ITIH5: variants seen among roughly 807,000 people sequenced by gnomAD.
ITIH5 encodes the protein inter-alpha-trypsin inhibitor heavy chain 5, also known as inter-alpha-trypsin inhibitor heavy chain H5.
ITIH5 carries 65 observed loss-of-function variants against 77.5 expected under a neutral mutation model. The observed-to-expected ratio is 0.84, with a 90% CI of 0.69 to 1.03. The LOEUF is 1.03. Ranked by LOEUF, ITIH5 falls within the 50% of genes least tolerant of loss-of-function variation. The probability of loss-of-function intolerance (pLI) is 0.00; values close to 1 mark genes in which losing one functional copy is unlikely to be tolerated. For synonymous variants in ITIH5, 525 were observed against 494.3 expected (o/e 1.06, Z -0.82); for missense variants, 1,208 against 1,213.1 (o/e 1.00, Z 0.06).
At chr10:7,634,087 T>C (rs1380415939) in intron 5 of ITIH5, among the ~76,000 whole-genome samples, 2 of 34,330 alleles carry the variant, frequency 5.8e-5, no homozygotes, top group South Asian at 2.3e-3. Flanking sequence ...AGACTCCGTC[T>C]CAAAAAAAAA....
intron 13 of ITIH5, among the ~76,000 whole-genome samples, chr10:7,563,794 C>T (rs1027779644): frequency 7.2e-5 from 11 of 152,240 alleles, no homozygotes; most frequent in African/African-American, 2.7e-4. Flanking sequence ...GGGTGGAAAG[C>T]AGTCAGCTCA....
intron 9 of ITIH5, among the ~76,000 whole-genome samples, chr10:7,579,248 G>A (rs540618292): frequency 6.3e-4 from 96 of 152,338 alleles, no homozygotes; most frequent in African/African-American, 1.9e-3. Context: ...GCTTAGGGCC[G>A]GGTGTGGTGG....
intron 5 of ITIH5, among the ~76,000 whole-genome samples, chr10:7,630,198 A>C (rs1477631365): frequency 6.6e-6 from 1 of 152,208 alleles, no homozygotes; most frequent in Admixed American, 6.5e-5. Context: ...ACACACCATA[A>C]GATTTACTCA....
At chr10:7,636,418 A>G (rs1244441385) in intron 5 of ITIH5, among the ~76,000 whole-genome samples, 1 of 152,198 alleles carries the variant, frequency 6.6e-6, no homozygotes, top group African/African-American at 2.4e-5. Context: ...TGGCCCCACA[A>G]TCTCATACCC....
At chr10:7,624,865 G>GTATATACACA (rs1588409019) in intron 5 of ITIH5, among the ~76,000 whole-genome samples, 3 of 20,556 alleles carry the variant, frequency 1.5e-4, no homozygotes, top group Non-Finnish European at 1.9e-4. Flanking sequence ...GTGTATATAT[G>GTATATACACA]TATATATGTA....
At chr10:7,574,444 A>C (rs921830758) in intron 10 of ITIH5, among the ~76,000 whole-genome samples, 4 of 152,162 alleles carry the variant, frequency 2.6e-5, no homozygotes, top group African/African-American at 9.7e-5. Context: ...TTAAAATTTA[A>C]ATTTAAAAAC....
At chr10:7,637,515 G>A (rs775959816) in intron 4 of ITIH5, 37 bp from the exon 5 acceptor site, 6 of 1,601,232 alleles carry the variant, frequency 3.7e-6, no homozygotes, top group Non-Finnish European at 5.1e-6. Flanking sequence ...AGGGAGGTTC[G>A]GAAGAGGATA....
intron 8 of ITIH5, among the ~76,000 whole-genome samples, chr10:7,580,443 T>C (rs185823429): frequency 1.0e-3 from 157 of 152,282 alleles, no homozygotes; most frequent in African/African-American, 3.7e-3. Flanking sequence ...ATAGCTGCAG[T>C]TCACGCTCAA....
intron 2 of ITIH5, among the ~76,000 whole-genome samples, chr10:7,650,317 G>T (rs1200397662): frequency 1.3e-5 from 2 of 152,188 alleles, no homozygotes; most frequent in African/African-American, 4.8e-5. Flanking sequence ...TATGGAGGTG[G>T]GAGAGAACTT....
In ITIH5 at chr10:7,585,928, A is replaced by G. The variant is rs781335246; in HGVS notation, c.1081T>C (p.Tyr361His). 1.2e-6 allele frequency: 2 copies of G among 1,613,988 alleles called. No individual in the cohort carries two copies. The highest frequency in any genetic ancestry group is 1.7e-6 in the Non-Finnish European group (2 of 1,179,958). Reference sequence around the variant, plus strand: ...CCAGTGGGTGACATATGGTGAATGTACACTTTCCCATCCCTGATGCTGTCT... The same window carrying G: ...CCAGTGGGTGACATATGGTGAATGTGCACTTTCCCATCCCTGATGCTGTCT... The part of the protein sequence containing the change: ...TPDSIRDGKV[Y>H]IHHMSPTGGT... The change falls in exon 8 of 14, where the codon TAC (tyrosine) becomes CAC (histidine). Residue 361 changes from tyrosine (Y) to histidine (H), a missense_variant. By Grantham distance (83) the Tyr-to-His change is moderately conservative. Coordinates refer to ENST00000397146, the MANE Select transcript of ITIH5 (RefSeq NM_030569.7).
Position 7,605,921 on chromosome 10 carries a change from C to T in ITIH5, c.939+10061G>A, listed in dbSNP as rs556704815. On this transcript the variant is annotated intron_variant, in intron 7 of 13. Coordinates refer to ENST00000397146, the MANE Select transcript of ITIH5 (RefSeq NM_030569.7). ...AACTGGGAAACCAGAAAGGAGGAAA[C>T]TAGGCTTTTCTGTGATTTCCTGGCG... Among the ~76,000 whole-genome samples, 29 of 152,286 alleles carry T rather than the reference C, an allele frequency of 1.9e-4. 2 individuals carry two copies. In the South Asian group the frequency reaches 6.0e-3, roughly 32 times the overall value.
intron 7 of ITIH5, among the ~76,000 whole-genome samples, chr10:7,610,069 CTTTTT>C (rs5782989): frequency 2.3e-5 from 2 of 86,734 alleles, no homozygotes; most frequent in Non-Finnish European, 2.4e-5. Flanking sequence ...TTTCTTTTTT[CTTTTT>C]TTTTTTTTTT....
At chr10:7,575,177 G>A (rs1201618574) in intron 10 of ITIH5, among the ~76,000 whole-genome samples, 2 of 152,180 alleles carry the variant, frequency 1.3e-5, no homozygotes, top group Admixed American at 1.3e-4. Flanking sequence ...TGACATTTGT[G>A]CAAAACTCAC....
intron 2 of ITIH5, 72 bp downstream of exon 2, chr10:7,655,559 G>A (rs1588431241): frequency 4.7e-6 from 6 of 1,264,360 alleles, no homozygotes; most frequent in African/African-American, 4.4e-5. Context: ...TGCAAGCAAA[G>A]TGGATACCTG....
Position 7,666,917 on chromosome 10 carries a change from CG to C in ITIH5, c.-26del, listed in dbSNP as rs755701220. 7.7e-6 allele frequency: 12 copies of C among 1,566,122 alleles called. No individual in the cohort carries two copies. The highest frequency in any genetic ancestry group is 1.8e-4 in the Middle Eastern group (1 of 5,562). Reference sequence around the variant, plus strand: ...TGGCGGGGCGAGGGCGCGGGACGCTCGGGGACCCGGCGGGACACGCTTTGCA... The same window carrying C: ...TGGCGGGGCGAGGGCGCGGGACGCTCGGGACCCGGCGGGACACGCTTTGCA... On this transcript the variant is annotated 5_prime_UTR_variant, in exon 1 of 14. Transcript: ENST00000397146.
intron 5 of ITIH5, among the ~76,000 whole-genome samples, chr10:7,627,388 C>G (rs1280593508): frequency 1.3e-5 from 2 of 150,286 alleles, no homozygotes; most frequent in Non-Finnish European, 3.0e-5. Flanking sequence ...TGGGCATCAA[C>G]TGAAATGCAG....
rs188726699 is a variant in ITIH5, at chr10:7,605,490, G to A, written c.939+10492C>T. On this transcript the variant is annotated intron_variant, in intron 7 of 13. Transcript: ENST00000397146. ...TCTTCTTCTCTGAGCTTCTTGTGAG[G>A]AAAGGCTGTGTCTCATTTATCTCTG... 1.1e-3 allele frequency among the ~76,000 whole-genome samples: 160 copies of A among 151,524 alleles called. 1 individual carries two copies. Among genetic ancestry groups the A allele is most frequent in the African/African-American group, 3.4e-3 (142 of 41,242 alleles).
chr10:7,571,898 T>C (rs1832307115), intron 11 of ITIH5: 3 of 879,902 alleles, frequency 3.4e-6, no homozygotes, highest in Non-Finnish European at 4.1e-6. Context: ...GTTCGATCCT[T>C]GGGATGCGGG....
At chr10:7,647,737 C>T (rs1444003785) in intron 2 of ITIH5, among the ~76,000 whole-genome samples, 1 of 152,036 alleles carries the variant, frequency 6.6e-6, no homozygotes, top group Non-Finnish European at 1.5e-5. Context: ...ACTAAACTTT[C>T]AGCATATTAA....
Sources: allele counts gnomAD v4.1 joint callset (sites outside exome capture counted in the v4.1 genomes callset), GRCh38; gene constraint gnomAD v4.1.1; transcripts MANE v1.5; gene names NCBI Gene and HGNC (gene_info 2026-07-23, HGNC 2026-07-21).